Variants in LRRC17 observed in about 807,000 individuals in gnomAD.
LRRC17 encodes the protein leucine-rich repeat-containing protein 17.
LRRC17 carries 33 observed loss-of-function variants against 41.5 expected under a neutral mutation model. The ratio of observed to expected loss-of-function variants is 0.80; its 90% confidence interval spans 0.60 to 1.06. The LOEUF (loss-of-function observed/expected upper bound fraction) is 1.06, where lower values mean the gene tolerates loss of function less well. Ranked by LOEUF, LRRC17 falls within the 50% of genes least tolerant of loss-of-function variation. The pLI is 0.00. For missense variants in LRRC17, 491 were observed against 519.3 expected (o/e 0.95, Z 0.53); for synonymous variants, 192 against 197.0 (o/e 0.97, Z 0.21).
chr7:102,942,377 T>A, intron 3 of LRRC17: 1 of 1,498,036 alleles, frequency 6.7e-7, no homozygotes, highest in Non-Finnish European at 9.0e-7. Context: ...TTGCCAGACT[T>A]TAAAAGACGT....
chr7:102,917,385 T>C (rs1389721076), intron 1 of LRRC17, among the ~76,000 whole-genome samples: 1 of 152,184 alleles, frequency 6.6e-6, no homozygotes, highest in Non-Finnish European at 1.5e-5. Context: ...AAGATCATAA[T>C]AGCTTTACTC....
At chr7:102,918,888 A>G (rs1816434905) in intron 1 of LRRC17, among the ~76,000 whole-genome samples, 1 of 152,234 alleles carries the variant, frequency 6.6e-6, no homozygotes, top group African/African-American at 2.4e-5. Context: ...ACATGTACAT[A>G]TATTCATATA....
At chr7:102,929,663 CAAAAAAA>C (rs35025022) in intron 1 of LRRC17, among the ~76,000 whole-genome samples, 3 of 91,482 alleles carry the variant, frequency 3.3e-5, no homozygotes, top group South Asian at 8.5e-4. Context: ...GACTCCATCT[CAAAAAAA>C]AAAAAAAAAA....
chr7:102,934,304 C>G lies in LRRC17; in HGVS notation c.391C>G (p.Leu131Val), dbSNP rs756216285. 6.2e-7 allele frequency: 1 copy of G among 1,614,128 alleles called. No homozygotes were observed. The highest frequency in any genetic ancestry group is 8.5e-7 in the Non-Finnish European group (1 of 1,180,014). ...ESEAFFGLNK[L>V]TTLLLQHNQI... ...TGAGGCGTTCTTTGGTTTAAACAAA[C>G]TCACCACCCTCTTACTGCAGCACAA... Residue 131 changes from leucine (L) to valine (V), a missense_variant, in exon 2 of 4, where the codon CTC becomes GTC. Physicochemically the swap from Leu to Val is conservative, Grantham distance 32. Transcript: ENST00000339431.
At chr7:102,916,151 T>C (rs778914289) in intron 1 of LRRC17, among the ~76,000 whole-genome samples, 14 of 151,842 alleles carry the variant, frequency 9.2e-5, no homozygotes, top group Non-Finnish European at 2.1e-4. Context: ...GCCTGGCTAA[T>C]TTTTTTTGTA....
chr7:102,929,495 C>T lies in LRRC17; in HGVS notation c.-140-4279C>T, dbSNP rs868390093. On this transcript the variant is annotated intron_variant, in intron 1 of 3. Transcript: ENST00000339431. ...TGTCCAACATGGTGAAACCCCATCTCTACAAAAAAAATTCAAAAATTAGCC... is the reference window on the plus strand; with the variant it reads ...TGTCCAACATGGTGAAACCCCATCTTTACAAAAAAAATTCAAAAATTAGCC... Among the ~76,000 whole-genome samples, 4 of 151,764 alleles carry T rather than the reference C, an allele frequency of 2.6e-5. No homozygotes were observed. The South Asian group carries it at 8.3e-4, about 32-fold the overall frequency.
intron 1 of LRRC17, chr7:102,932,035 C>A: frequency 8.9e-7 from 1 of 1,125,856 alleles, no homozygotes; most frequent in Non-Finnish European, 1.3e-6. Flanking sequence ...AGAAAACAAA[C>A]AAAAACCTTG....
At chr7:102,926,883 A>G (rs1220501760) in intron 1 of LRRC17, among the ~76,000 whole-genome samples, 1 of 152,250 alleles carries the variant, frequency 6.6e-6, no homozygotes, top group East Asian at 1.9e-4. Context: ...TGTTAACTAA[A>G]TATTTTAAAT....
In LRRC17 at chr7:102,934,111, T is replaced by C. The variant is rs1314531098; in HGVS notation, c.198T>C (p.Asp66=). The C allele has an allele frequency of 6.2e-6, 10 of 1,613,978 alleles. No homozygotes were observed. The highest frequency in any genetic ancestry group is 1.3e-5 in the African/African-American group (1 of 74,928). The change falls in exon 2 of 4, where the codon GAT becomes GAC. Residue 66 remains aspartate (D), a synonymous_variant. Coordinates refer to ENST00000339431, the MANE Select transcript of LRRC17 (RefSeq NM_001031692.3). ...VYTYLHEKYL[D]CQERKLVYVL... is the part of the protein sequence containing the mutation. ...CATATCTCCATGAGAAATACTTAGA[T>C]TGTCAAGAAAGAAAATTAGTTTATG...
intron 1 of LRRC17, among the ~76,000 whole-genome samples, chr7:102,931,165 A>G (rs182431706): frequency 6.6e-6 from 1 of 152,362 alleles, no homozygotes; most frequent in East Asian, 1.9e-4. Flanking sequence ...CATTTTAAGC[A>G]AAGAGCAAAT....
intron 1 of LRRC17, among the ~76,000 whole-genome samples, chr7:102,922,569 C>T (rs1817268775): frequency 6.6e-6 from 1 of 152,062 alleles, no homozygotes; most frequent in Non-Finnish European, 1.5e-5. Context: ...TAAAACATAC[C>T]ATATTCTTTA....
chr7:102,916,082 C>T (rs1173352334), intron 1 of LRRC17, among the ~76,000 whole-genome samples: 3 of 151,938 alleles, frequency 2.0e-5, no homozygotes, highest in African/African-American at 7.3e-5. Context: ...CTCCCAGGCT[C>T]AAGTGATTCT....
chr7:102,934,028 C>G lies in LRRC17; in HGVS notation c.115C>G (p.Arg39Gly). The G allele has an allele frequency of 6.2e-7, 1 of 1,614,038 alleles. No homozygotes were observed. Among genetic ancestry groups the G allele is most frequent in the South Asian group, 1.1e-5 (1 of 91,068 alleles). ...GAATCATGGCCGGGCGGGTGGAGGCCGGAGAGGCTCCAACCCGGTCAAACG... is the reference window on the plus strand; with the variant it reads ...GAATCATGGCCGGGCGGGTGGAGGCGGGAGAGGCTCCAACCCGGTCAAACG... ...RVNHGRAGGG[R>G]RGSNPVKRYA... The change falls in exon 2 of 4, where the codon CGG (arginine) becomes GGG (glycine). Residue 39 changes from arginine to glycine, a missense_variant. Coordinates refer to ENST00000339431, the MANE Select transcript of LRRC17 (RefSeq NM_001031692.3).
At chr7:102,930,570 T>C (rs1170877244) in intron 1 of LRRC17, among the ~76,000 whole-genome samples, 25 of 152,226 alleles carry the variant, frequency 1.6e-4, no homozygotes, top group Admixed American at 1.6e-3. Context: ...TTCTCAAATC[T>C]ACAATGCATT....
Position 102,933,967 on chromosome 7 carries a change from G to C in LRRC17, c.54G>C (p.Leu18=), listed in dbSNP as rs778069913. 2.0e-5 allele frequency: 32 copies of C among 1,613,944 alleles called. No individual in the cohort carries two copies. Among genetic ancestry groups the C allele is most frequent in the Non-Finnish European group, 2.7e-5 (32 of 1,179,958 alleles). ...ILLCFCKAAE[L]RKASPGSVRS... ...TCTGCTTTTGCAAAGCGGCTGAGCT[G>C]CGCAAAGCAAGCCCAGGCAGTGTGA... Residue 18 remains leucine (L), a synonymous_variant, in exon 2 of 4, where the codon CTG becomes CTC. Coordinates refer to ENST00000339431, the MANE Select transcript of LRRC17 (RefSeq NM_001031692.3).
chr7:102,923,153 G>A (rs1039243579), intron 1 of LRRC17, among the ~76,000 whole-genome samples: 2 of 152,112 alleles, frequency 1.3e-5, no homozygotes, highest in Admixed American at 1.3e-4. Flanking sequence ...TCAAAGAATA[G>A]TTTTCAAGTA....
At chr7:102,936,915 G>GTT (rs11422557) in intron 2 of LRRC17, among the ~76,000 whole-genome samples, 2 of 151,770 alleles carry the variant, frequency 1.3e-5, no homozygotes, top group South Asian at 4.2e-4. Context: ...CTGCTTTTGT[G>GTT]TTTTTTTCCT....
chr7:102,928,503 T>C (rs1228726788), intron 1 of LRRC17, among the ~76,000 whole-genome samples: 1 of 152,174 alleles, frequency 6.6e-6, no homozygotes, highest in Non-Finnish European at 1.5e-5. Flanking sequence ...AATAGTAAAA[T>C]GTAGCTGGAT....
chr7:102,934,300 CAA>C lies in LRRC17; in HGVS notation c.389_390del (p.Lys130ThrfsTer32). On this transcript the variant is annotated frameshift_variant, in exon 2 of 4. Transcript: ENST00000339431. LOFTEE classifies it high-confidence loss of function. ...IESEAFFGLNKLTTLLLQHNQ... is the reference protein window; with the variant it reads ...IESEAFFGLNXLTTLLLQHNQ... ...AGAGTGAGGCGTTCTTTGGTTTAAA[CAA>C]ACTCACCACCCTCTTACTGCAGCAC... 6.2e-7 allele frequency: 1 copy of C among 1,614,136 alleles called. No homozygotes were observed. Among genetic ancestry groups the C allele is most frequent in the Non-Finnish European group, 8.5e-7 (1 of 1,180,012 alleles).
Sources: allele counts gnomAD v4.1 joint callset (sites outside exome capture counted in the v4.1 genomes callset), GRCh38; gene constraint gnomAD v4.1.1; transcripts MANE v1.5; gene names NCBI Gene and HGNC (gene_info 2026-07-23, HGNC 2026-07-21).